Variants in RAD51B observed in about 807,000 individuals in gnomAD.
RAD51B encodes DNA repair protein RAD51 homolog 2.
In RAD51B, 38 loss-of-function variants were observed where a neutral mutation model predicts 42.2. The ratio of observed to expected loss-of-function variants is 0.90; its 90% confidence interval spans 0.70 to 1.18. The LOEUF (loss-of-function observed/expected upper bound fraction) is 1.18. Ranked by LOEUF, RAD51B falls within the 50% of genes most tolerant of loss-of-function variation. The pLI is 0.00. For synonymous variants in RAD51B, 154 were observed against 145.2 expected, an observed-to-expected ratio of 1.06 and a Z score of -0.43; for missense variants, 373 against 400.7, an observed-to-expected ratio of 0.93 and a Z score of 0.59.
At chr14:67,959,293 C>T (rs537761978) in intron 7 of RAD51B, among the ~76,000 whole-genome samples, 2 of 152,014 alleles carry the variant, frequency 1.3e-5, no homozygotes, top group East Asian at 3.9e-4. Context: ...GTTGCCCAGG[C>T]TGGAGTGCAG....
intron 10 of RAD51B, among the ~76,000 whole-genome samples, chr14:68,517,781 G>A (rs373125842): frequency 3.3e-5 from 5 of 152,174 alleles, no homozygotes; most frequent in East Asian, 1.9e-4. Flanking sequence ...TGAGAAAGGC[G>A]TTTTATTTAA....
chr14:67,988,395 G>A (rs2075232296), intron 7 of RAD51B, among the ~76,000 whole-genome samples: 1 of 152,018 alleles, frequency 6.6e-6, no homozygotes, highest in African/African-American at 2.4e-5. Flanking sequence ...GTAAGCGGAA[G>A]TTGCAATGAG....
At chr14:68,013,976 T>G (rs1241514999) in intron 7 of RAD51B, among the ~76,000 whole-genome samples, 3 of 152,186 alleles carry the variant, frequency 2.0e-5, no homozygotes. Context: ...CAAACTTGAT[T>G]TATAAATTAG....
Position 68,130,884 on chromosome 14 carries a change from G to A in RAD51B, c.757-161000G>A, listed in dbSNP as rs559485094. 3.0e-4 allele frequency among the ~76,000 whole-genome samples: 45 copies of A among 152,068 alleles called. 3 individuals carry two copies. In the East Asian group the frequency reaches 8.7e-3, roughly 29 times the overall value. On this transcript the variant is annotated intron_variant, in intron 7 of 10. Coordinates refer to ENST00000471583, the MANE Select transcript of RAD51B (RefSeq NM_133510.4). ...TATATGGCTGACTTTGTGTGTGTGG[G>A]TGTGTGTTTGTGTGTGTGTGTGTGT...
intron 7 of RAD51B, among the ~76,000 whole-genome samples, chr14:68,180,961 G>A (rs1202567238): frequency 3.3e-5 from 5 of 152,224 alleles, no homozygotes; most frequent in Non-Finnish European, 4.4e-5. Flanking sequence ...CACATAGCAG[G>A]TGAGGGAAGG....
chr14:68,536,820 G>T (rs1225187717), intron 10 of RAD51B, among the ~76,000 whole-genome samples: 1 of 151,992 alleles, frequency 6.6e-6, no homozygotes, highest in African/African-American at 2.4e-5. Flanking sequence ...AGTGGCTCAT[G>T]CCTGTAATCC....
intron 7 of RAD51B, among the ~76,000 whole-genome samples, chr14:68,123,327 A>G (rs1186242468): frequency 6.6e-6 from 1 of 151,736 alleles, no homozygotes; most frequent in African/African-American, 2.4e-5. Context: ...AGCTGGGATC[A>G]TAGGCGTGTA....
At chr14:68,405,727 G>T (rs769723794) in intron 8 of RAD51B, among the ~76,000 whole-genome samples, 1 of 150,770 alleles carries the variant, frequency 6.6e-6, no homozygotes, top group South Asian at 2.1e-4. Flanking sequence ...TTTTAGCGAC[G>T]CGGAGTCCTT....
chr14:67,862,981 CT>C (rs1406324609), intron 4 of RAD51B, among the ~76,000 whole-genome samples: 2 of 151,522 alleles, frequency 1.3e-5, no homozygotes, highest in East Asian at 1.9e-4. Flanking sequence ...GTTTTGATTG[CT>C]TTTTTTGGCT....
chr14:67,907,415 A>G (rs796882612), intron 7 of RAD51B, among the ~76,000 whole-genome samples: 8 of 152,118 alleles, frequency 5.3e-5, no homozygotes, highest in African/African-American at 1.7e-4. Flanking sequence ...CAACAATTAT[A>G]ATTTATTATA....
At chr14:68,661,976 T>C (rs1236866611) in intron 11 of RAD51B, among the ~76,000 whole-genome samples, 3 of 152,250 alleles carry the variant, frequency 2.0e-5, no homozygotes, top group African/African-American at 7.2e-5. Flanking sequence ...TTATCTCTTC[T>C]GCTTTTCCTT....
At chr14:68,677,078 A>C (rs573276562) in intron 11 of RAD51B, among the ~76,000 whole-genome samples, 1 of 152,210 alleles carries the variant, frequency 6.6e-6, no homozygotes, top group Non-Finnish European at 1.5e-5. Flanking sequence ...ACTGAGGCTC[A>C]AAATTAAAGC....
At chr14:67,837,290 A>G (rs1028556992) in intron 4 of RAD51B, among the ~76,000 whole-genome samples, 4 of 150,288 alleles carry the variant, frequency 2.7e-5, no homozygotes, top group Non-Finnish European at 5.9e-5. Context: ...GGTTTATTAC[A>G]GTGTGATCCA....
intron 4 of RAD51B, among the ~76,000 whole-genome samples, chr14:67,856,073 TAAATG>T (rs1191193902): frequency 6.6e-6 from 1 of 152,264 alleles, no homozygotes; most frequent in East Asian, 1.9e-4. Flanking sequence ...TAACTGCTGT[TAAATG>T]AATGATTATA....
At chr14:67,905,486 T>C (rs932407472) in intron 7 of RAD51B, among the ~76,000 whole-genome samples, 2 of 152,196 alleles carry the variant, frequency 1.3e-5, no homozygotes, top group Non-Finnish European at 2.9e-5. Flanking sequence ...GCATTGAATC[T>C]GTAAATTGCT....
At chr14:68,407,310 A>G (rs1233396944) in intron 8 of RAD51B, among the ~76,000 whole-genome samples, 1 of 152,162 alleles carries the variant, frequency 6.6e-6, no homozygotes, top group Non-Finnish European at 1.5e-5. Context: ...AGTAGAATAG[A>G]CTCTAAAATA....
At position 68,584,362 on chromosome 14, in the gene RAD51B, C is replaced by A. The variant is rs115951934; in HGVS notation, c.1037-10123C>A. ...ATCTTGTTACTGATCTGGTTTCCTTCGACCTCTTATAGCCAGGGTGTTGGT... is the reference window on the plus strand; with the variant it reads ...ATCTTGTTACTGATCTGGTTTCCTTAGACCTCTTATAGCCAGGGTGTTGGT... On this transcript the variant is annotated intron_variant, in intron 10 of 10. Coordinates refer to the RAD51B transcript ENST00000487270. Among the ~76,000 whole-genome samples the A allele has an allele frequency of 5.3e-3, 810 of 152,264 alleles. 8 individuals are homozygous for A. The highest frequency in any genetic ancestry group is 0.019 in the African/African-American group (771 of 41,542).
chr14:68,365,359 T>C (rs2083120262), intron 8 of RAD51B, among the ~76,000 whole-genome samples: 1 of 152,214 alleles, frequency 6.6e-6, no homozygotes, highest in Admixed American at 6.5e-5. Context: ...CTGTTTGTCT[T>C]ACTGCTCTGT....
chr14:68,554,854 GTT>G (rs3076489), intron 10 of RAD51B, among the ~76,000 whole-genome samples: 3,930 of 138,894 alleles, frequency 0.028, 65 homozygotes, highest in Non-Finnish European at 0.032. Flanking sequence ...AAATTAAAAA[GTT>G]TTTTTTTTTT....
Sources: allele counts gnomAD v4.1 joint callset (sites outside exome capture counted in the v4.1 genomes callset), GRCh38; gene constraint gnomAD v4.1.1; transcripts MANE v1.5; gene names NCBI Gene and HGNC (gene_info 2026-07-23, HGNC 2026-07-21).